The following LRP1B variants were observed in gnomAD, a reference collection of about 807,000 sequenced individuals.
LRP1B encodes the protein LDL receptor related protein 1B, also known as low-density lipoprotein receptor-related protein 1B.
LRP1B carries 217 observed loss-of-function variants against 556.6 expected under a neutral mutation model. The observed-to-expected ratio is 0.39, with a 90% CI of 0.35 to 0.44. The LOEUF (loss-of-function observed/expected upper bound fraction) is 0.44, where lower values mean the gene tolerates loss of function less well. LRP1B is among the 20% of genes least tolerant of loss of function. The pLI is 1.00. For missense variants in LRP1B, 5,053 were observed against 5,620.8 expected (o/e 0.90, Z 3.23); for synonymous variants, 2,047 against 1,865.8 (o/e 1.10, Z -2.50).
intron 35 of LRP1B, among the ~76,000 whole-genome samples, chr2:140,738,884 C>T (rs891500163): frequency 2.6e-5 from 4 of 152,146 alleles, no homozygotes; most frequent in Non-Finnish European, 5.9e-5. Flanking sequence ...AATAATTGTG[C>T]TTTATTTAGT....
intron 32 of LRP1B, among the ~76,000 whole-genome samples, chr2:140,785,134 T>A (rs181886202): frequency 4.8e-4 from 73 of 152,280 alleles, no homozygotes; most frequent in Non-Finnish European, 9.4e-4. Flanking sequence ...AACTTATTAT[T>A]GAGAAGACAA....
intron 2 of LRP1B, among the ~76,000 whole-genome samples, chr2:141,681,693 C>A (rs62166536): frequency 2.0e-5 from 3 of 151,980 alleles, no homozygotes; most frequent in Admixed American, 6.6e-5. Context: ...AAGATGCAGC[C>A]GAAAGAATAC....
Position 140,820,715 on chromosome 2 carries a change from G to A in LRP1B, c.5210-6909C>T, listed in dbSNP as rs146820419. ...TAAAATAGAACAAAATATTTTTAAA[G>A]CACTGGATTGTGTCACTTAAATATT... On this transcript the variant is annotated intron_variant, in intron 31 of 90. Coordinates refer to ENST00000389484, the MANE Select transcript of LRP1B (RefSeq NM_018557.3). Among the ~76,000 whole-genome samples the A allele has an allele frequency of 1.0e-2, 1,516 of 151,978 alleles. 22 individuals are homozygous for A. The highest frequency in any genetic ancestry group is 0.012 in the Non-Finnish European group (788 of 67,976).
intron 83 of LRP1B, among the ~76,000 whole-genome samples, chr2:140,306,978 A>G (rs1684094687): frequency 6.6e-6 from 1 of 152,038 alleles, no homozygotes; most frequent in African/African-American, 2.4e-5. Flanking sequence ...TAAATATTGT[A>G]TTGCTTATAA....
At chr2:141,074,885 A>G (rs1174557106) in intron 7 of LRP1B, among the ~76,000 whole-genome samples, 2 of 152,114 alleles carry the variant, frequency 1.3e-5, no homozygotes, top group Non-Finnish European at 2.9e-5. Context: ...TCCTTTTTGC[A>G]TACAGTTCCC....
intron 7 of LRP1B, among the ~76,000 whole-genome samples, chr2:141,073,672 CTCTT>C (rs931334760): frequency 6.6e-6 from 1 of 152,018 alleles, no homozygotes; most frequent in Admixed American, 6.6e-5. Flanking sequence ...TAAATTCCTG[CTCTT>C]TCTTTCCAAA....
intron 7 of LRP1B, among the ~76,000 whole-genome samples, chr2:141,121,370 G>C (rs781262035): frequency 3.3e-5 from 5 of 152,012 alleles, no homozygotes; most frequent in African/African-American, 9.6e-5. Context: ...ATCACTTATG[G>C]TTAGGGCACA....
At chr2:142,055,869 C>T (rs897894353) in intron 1 of LRP1B, among the ~76,000 whole-genome samples, 2 of 151,956 alleles carry the variant, frequency 1.3e-5, no homozygotes, top group Admixed American at 6.6e-5. Context: ...GTTCACAATA[C>T]GCCGGGCACA....
intron 83 of LRP1B, among the ~76,000 whole-genome samples, chr2:140,304,128 A>C (rs1168698009): frequency 6.6e-6 from 1 of 152,196 alleles, no homozygotes; most frequent in African/African-American, 2.4e-5. Flanking sequence ...GTACGTGTCC[A>C]TGTGTCTTTA....
intron 2 of LRP1B, among the ~76,000 whole-genome samples, chr2:141,571,576 A>G (rs1370642841): frequency 1.3e-5 from 2 of 152,166 alleles, no homozygotes; most frequent in Non-Finnish European, 2.9e-5. Flanking sequence ...TGGATGGAGG[A>G]TCAAATCGGC....
At chr2:141,493,965 C>T (rs1380738254) in intron 2 of LRP1B, among the ~76,000 whole-genome samples, 1 of 152,152 alleles carries the variant, frequency 6.6e-6, no homozygotes, top group Admixed American at 6.6e-5. Flanking sequence ...TTACAATAAT[C>T]AGCTAACTGA....
At chr2:142,082,556 C>T (rs536099423) in intron 1 of LRP1B, among the ~76,000 whole-genome samples, 3 of 152,134 alleles carry the variant, frequency 2.0e-5, no homozygotes, top group Non-Finnish European at 4.4e-5. Context: ...GCTGCTGACT[C>T]GTGTCCCAGG....
intron 35 of LRP1B, among the ~76,000 whole-genome samples, chr2:140,748,586 A>AGTGTGT (rs1457857347): frequency 1.2e-4 from 6 of 51,434 alleles, no homozygotes; most frequent in African/African-American, 4.5e-4. Context: ...ATACATATAC[A>AGTGTGT]GTGTGTATAT....
rs1259444444 is a variant in LRP1B at position 141,831,033 on chromosome 2, C to T, written c.83-20632G>A. The stretch of plus-strand genomic sequence containing the variant: ...GTTTGACACTTTTCTTATGAAATTC[C>T]CTTTAGTGAAAATTTACTAGATTAG... On this transcript the variant is annotated intron_variant, in intron 1 of 90. Coordinates refer to ENST00000389484, the MANE Select transcript of LRP1B (RefSeq NM_018557.3). Among the ~76,000 whole-genome samples the T allele has an allele frequency of 2.0e-5, 3 of 151,370 alleles. No individual in the cohort carries two copies. The East Asian group carries it at 5.8e-4, about 29-fold the overall frequency.
At chr2:140,605,160 C>A (rs2105209689) in intron 41 of LRP1B, among the ~76,000 whole-genome samples, 1 of 152,254 alleles carries the variant, frequency 6.6e-6, no homozygotes, top group Non-Finnish European at 1.5e-5. Context: ...TACTTACTGG[C>A]TTGTTCTCCA....
chr2:140,919,157 A>C (rs190827330), intron 21 of LRP1B, among the ~76,000 whole-genome samples: 6 of 152,146 alleles, frequency 3.9e-5, no homozygotes, highest in Non-Finnish European at 8.8e-5. Context: ...ACATATGTTA[A>C]AATTCTGGTT....
At chr2:140,364,867 A>G in intron 71 of LRP1B, 84 bp from the exon 72 acceptor site, 1 of 1,248,310 alleles carries the variant, frequency 8.0e-7, no homozygotes, top group Admixed American at 1.9e-5. Flanking sequence ...GAATCTTAGC[A>G]AACAGTATCT....
At chr2:141,828,127 C>G (rs1472972108) in intron 1 of LRP1B, among the ~76,000 whole-genome samples, 1 of 148,930 alleles carries the variant, frequency 6.7e-6, no homozygotes, top group Non-Finnish European at 1.5e-5. Flanking sequence ...TAAGCATAAT[C>G]TAATTCATTA....
intron 3 of LRP1B, among the ~76,000 whole-genome samples, chr2:141,454,442 GC>G (rs1411259452): frequency 6.6e-6 from 1 of 152,124 alleles, no homozygotes; most frequent in Non-Finnish European, 1.5e-5. Flanking sequence ...TTCCCTGCGT[GC>G]ACTGCCCTAC....
Sources: gnomAD v4.1 joint callset for allele counts (sites outside exome capture counted in the v4.1 genomes callset) on GRCh38, gnomAD v4.1.1 for gene constraint, MANE v1.5 for transcripts, NCBI Gene and HGNC (gene_info 2026-07-23, HGNC 2026-07-21) for gene names.